Variants in RAD18 observed in about 807,000 individuals in gnomAD.
RAD18 encodes the protein E3 ubiquitin-protein ligase RAD18.
Under a neutral mutation model 60.4 loss-of-function variants are expected in RAD18, and 47 were observed. That is an observed-to-expected ratio of 0.78 (90% CI 0.62 to 0.99). The LOEUF is 0.99. RAD18 is among the 50% of genes least tolerant of loss of function. The pLI is 0.00. For missense variants in RAD18, 640 were observed against 593.3 expected (o/e 1.08, Z -0.82); for synonymous variants, 225 against 195.5 (o/e 1.15, Z -1.26).
At chr3:8,945,029 A>C (rs1559795566) in intron 4 of RAD18, among the ~76,000 whole-genome samples, 1 of 152,250 alleles carries the variant, frequency 6.6e-6, no homozygotes, top group Admixed American at 6.5e-5. Context: ...TTTTAAAAAC[A>C]CAGTATGACA....
intron 3 of RAD18, among the ~76,000 whole-genome samples, chr3:8,947,982 T>G (rs1334044136): frequency 2.0e-5 from 3 of 152,212 alleles, no homozygotes; most frequent in Non-Finnish European, 4.4e-5. Context: ...TCTTCTTTCT[T>G]TATTCCCACT....
chr3:8,922,707 C>A (rs1165911025), intron 7 of RAD18, among the ~76,000 whole-genome samples: 1 of 152,208 alleles, frequency 6.6e-6, no homozygotes, highest in Non-Finnish European at 1.5e-5. Flanking sequence ...AGGTACCCCT[C>A]TGAAACAAAA....
Position 8,947,316 on chromosome 3 carries a change from A to G in RAD18, c.196-26T>C, listed in dbSNP as rs754786248. ...CTAGAAAAAACAAACAACAGATGGA[A>G]AAAGGTCAAAAACAATAATCAACTT... is the stretch of plus-strand genomic sequence containing the variant. On this transcript the variant is annotated intron_variant, in intron 3 of 12. Coordinates refer to ENST00000264926, the MANE Select transcript of RAD18 (RefSeq NM_020165.4). 23 of 1,528,220 alleles carry G rather than the reference A, an allele frequency of 1.5e-5. No homozygotes were observed. In the South Asian group the frequency reaches 2.6e-4, roughly 17 times the overall value. The allele number at this position is 1,528,220 out of a possible 1,614,324, so 94.7% of individuals were successfully genotyped here. A position where few individuals can be genotyped will look rare whatever the true frequency, so the allele number is the denominator to read the frequency against.
intron 10 of RAD18, 71 bp downstream of exon 10, chr3:8,902,309 G>C (rs1939925131): frequency 7.6e-7 from 1 of 1,320,160 alleles, no homozygotes; most frequent in Non-Finnish European, 1.0e-6. Flanking sequence ...AATTTCTTTG[G>C]TTTAATTTTT....
chr3:8,944,518 A>T (rs1940807613), intron 4 of RAD18, among the ~76,000 whole-genome samples: 1 of 151,036 alleles, frequency 6.6e-6, no homozygotes, highest in African/African-American at 2.4e-5. Context: ...TCTGGGCAAC[A>T]GAGCAAGAAG....
Position 8,880,064 on chromosome 3 carries a change from C to T in RAD18, c.*1293G>A, listed in dbSNP as rs981102325. On this transcript the variant is annotated 3_prime_UTR_variant, in exon 13 of 13. Transcript: ENST00000264926. ...TTTGGTAAGTGGTGCTTTTAGTTTC[C>T]TTAATGCACCCCTCAGGATTTCATG... The T allele has an allele frequency of 1.3e-5, 2 of 152,116 alleles. No individual in the cohort carries two copies. The highest frequency in any genetic ancestry group is 4.8e-5 in the African/African-American group (2 of 41,420). The allele number at this position is 152,116 out of a possible 1,614,324, so 9.4% of individuals were successfully genotyped here. A position where few individuals can be genotyped will look rare whatever the true frequency, so the allele number is the denominator to read the frequency against.
intron 7 of RAD18, among the ~76,000 whole-genome samples, chr3:8,919,610 G>A (rs952680520): frequency 1.1e-4 from 17 of 152,168 alleles, no homozygotes; most frequent in Admixed American, 6.5e-5. Flanking sequence ...CCACGTGTGC[G>A]TATGTATATA....
chr3:8,936,640 T>C (rs1940658254), intron 6 of RAD18, among the ~76,000 whole-genome samples: 1 of 152,148 alleles, frequency 6.6e-6, no homozygotes, highest in South Asian at 2.1e-4. Flanking sequence ...AAAATAAGAA[T>C]AGCAAAGATT....
intron 7 of RAD18, among the ~76,000 whole-genome samples, chr3:8,928,246 A>G (rs1222506628): frequency 6.6e-6 from 1 of 152,072 alleles, no homozygotes; most frequent in Non-Finnish European, 1.5e-5. Flanking sequence ...TACTCAGTTA[A>G]TCCAAAAAAA....
chr3:8,892,207 C>A (rs936905636), intron 11 of RAD18, among the ~76,000 whole-genome samples: 11 of 152,102 alleles, frequency 7.2e-5, no homozygotes, highest in Admixed American at 5.2e-4. Flanking sequence ...AAGTCTAGAA[C>A]GAGGAACTTT....
At chr3:8,946,365 G>A (rs781479727) in intron 4 of RAD18, among the ~76,000 whole-genome samples, 3 of 152,206 alleles carry the variant, frequency 2.0e-5, no homozygotes, top group Admixed American at 1.3e-4. Context: ...TAAGTACACC[G>A]TATGATGTTC....
chr3:8,957,328 G>A (rs1941030765), intron 2 of RAD18, among the ~76,000 whole-genome samples: 1 of 151,976 alleles, frequency 6.6e-6, no homozygotes, highest in Admixed American at 6.6e-5. Flanking sequence ...CTGATTTTAA[G>A]TTATACATGG....
chr3:8,930,712 T>C (rs1432541081), intron 7 of RAD18, among the ~76,000 whole-genome samples: 1 of 152,190 alleles, frequency 6.6e-6, no homozygotes, highest in Non-Finnish European at 1.5e-5. Flanking sequence ...GGAAGAAATG[T>C]CCTCAACCTC....
chr3:8,908,087 G>A (rs1306021752), intron 9 of RAD18, among the ~76,000 whole-genome samples: 2 of 152,124 alleles, frequency 1.3e-5, no homozygotes, highest in Admixed American at 6.5e-5. Flanking sequence ...TGTTGGATCC[G>A]TCTCTTTTCC....
intron 8 of RAD18, among the ~76,000 whole-genome samples, chr3:8,913,233 C>A (rs1009927494): frequency 6.6e-6 from 1 of 152,138 alleles, no homozygotes; most frequent in African/African-American, 2.4e-5. Context: ...CTTAATTTAT[C>A]CTCTTATAAT....
chr3:8,909,886 T>C (rs1342180972), intron 9 of RAD18, among the ~76,000 whole-genome samples: 1 of 152,234 alleles, frequency 6.6e-6, no homozygotes, highest in Non-Finnish European at 1.5e-5. Context: ...CAAATTCGTT[T>C]TGGGCTGCAT....
At chr3:8,892,272 A>G (rs1265170506) in intron 11 of RAD18, among the ~76,000 whole-genome samples, 2 of 152,204 alleles carry the variant, frequency 1.3e-5, no homozygotes, top group Non-Finnish European at 2.9e-5. Flanking sequence ...CGCTTCAAGA[A>G]GCTGGATGAA....
chr3:8,950,092 G>C (rs970657276), intron 2 of RAD18, among the ~76,000 whole-genome samples: 7 of 152,018 alleles, frequency 4.6e-5, no homozygotes, highest in Non-Finnish European at 1.0e-4. Flanking sequence ...GTACAGTGGC[G>C]CAATCTCGGC....
chr3:8,911,588 ACATCCAGCGCAGGTGTGCTT>A (rs2307531), intron 9 of RAD18, among the ~76,000 whole-genome samples: 94,165 of 151,394 alleles, frequency 0.62, 30,227 homozygotes, highest in Middle Eastern at 0.74. Flanking sequence ...AATCACACCT[ACATCCAGCGCAGGTGTGCTT>A]CATCCTCCCT....
Sources: allele counts gnomAD v4.1 joint callset (sites outside exome capture counted in the v4.1 genomes callset), GRCh38; gene constraint gnomAD v4.1.1; transcripts MANE v1.5; gene names NCBI Gene and HGNC (gene_info 2026-07-23, HGNC 2026-07-21).